Variants in SGCZ observed in about 807,000 individuals in gnomAD.
The protein encoded by SGCZ is sarcoglycan zeta, also known as zeta-sarcoglycan.
A neutral mutation model predicts 41.3 loss-of-function variants in SGCZ; 40 were observed. The ratio of observed to expected loss-of-function variants is 0.97; its 90% CI spans 0.75 to 1.26. The LOEUF is 1.26. Among genes scored for constraint, SGCZ ranks in the 50% most tolerant of loss-of-function variants. The pLI is 0.00. For missense variants in SGCZ, 552 were observed against 369.8 expected (o/e 1.49, Z -4.04); for synonymous variants, 206 against 137.5 (o/e 1.50, Z -3.49).
chr8:14,575,644 C>T (rs141735520), intron 1 of SGCZ, among the ~76,000 whole-genome samples: 8 of 152,156 alleles, frequency 5.3e-5, no homozygotes, highest in East Asian at 3.9e-4. Context: ...CAGTGGTGTA[C>T]GCCTGTAATC....
At chr8:14,787,099 T>A (rs938489114) in intron 1 of SGCZ, among the ~76,000 whole-genome samples, 3 of 152,138 alleles carry the variant, frequency 2.0e-5, no homozygotes, top group Non-Finnish European at 1.5e-5. Flanking sequence ...ACAGCTCACC[T>A]AATTTTATGT....
chr8:14,578,006 T>TAC (rs1004698174), intron 1 of SGCZ, among the ~76,000 whole-genome samples: 2 of 152,160 alleles, frequency 1.3e-5, no homozygotes, highest in African/African-American at 4.8e-5. Flanking sequence ...AACTGTACAC[T>TAC]ACATCAAAGG....
intron 4 of SGCZ, among the ~76,000 whole-genome samples, chr8:14,230,188 G>A (rs541419433): frequency 2.6e-5 from 4 of 152,032 alleles, no homozygotes; most frequent in African/African-American, 9.7e-5. Context: ...AAGGTAAAAA[G>A]TAGTTTTTCA....
intron 1 of SGCZ, among the ~76,000 whole-genome samples, chr8:15,217,950 G>A (rs1801469159): frequency 6.6e-6 from 1 of 152,112 alleles, no homozygotes. Flanking sequence ...GCCAAACGGG[G>A]TGGCGTGTGC....
chr8:14,477,324 T>A (rs867688819), intron 2 of SGCZ, among the ~76,000 whole-genome samples: 1 of 152,298 alleles, frequency 6.6e-6, no homozygotes, highest in Middle Eastern at 3.4e-3. Context: ...TTTGAGATAC[T>A]TACTTTGGTT....
intron 2 of SGCZ, among the ~76,000 whole-genome samples, chr8:14,516,565 C>T (rs1423090351): frequency 6.6e-6 from 1 of 151,948 alleles, no homozygotes; most frequent in Admixed American, 6.6e-5. Context: ...TGTTTCTTTT[C>T]ACAAACACCT....
At chr8:14,577,370 G>GA (rs1265855077) in intron 1 of SGCZ, among the ~76,000 whole-genome samples, 1 of 137,464 alleles carries the variant, frequency 7.3e-6, no homozygotes, top group East Asian at 2.2e-4. Flanking sequence ...AAATAAGAAA[G>GA]AAAAGAAATA....
At chr8:14,386,359 A>G (rs1311553990) in intron 2 of SGCZ, among the ~76,000 whole-genome samples, 1 of 152,176 alleles carries the variant, frequency 6.6e-6, no homozygotes, top group Non-Finnish European at 1.5e-5. Flanking sequence ...AAATACACAT[A>G]AAACTGGTTG....
At chr8:14,890,500 G>T (rs1479459801) in intron 1 of SGCZ, among the ~76,000 whole-genome samples, 1 of 152,178 alleles carries the variant, frequency 6.6e-6, no homozygotes, top group Non-Finnish European at 1.5e-5. Context: ...TGAAGACTGA[G>T]AGAGGTGAGG....
At chr8:14,970,272 T>C (rs1183847314) in intron 1 of SGCZ, among the ~76,000 whole-genome samples, 1 of 152,178 alleles carries the variant, frequency 6.6e-6, no homozygotes, top group Non-Finnish European at 1.5e-5. Flanking sequence ...TGAATTTACA[T>C]ATAATTTGCA....
intron 4 of SGCZ, among the ~76,000 whole-genome samples, chr8:14,204,714 TC>T (rs768256321): frequency 1.3e-5 from 2 of 151,990 alleles, no homozygotes; most frequent in Non-Finnish European, 2.9e-5. Context: ...GAAAACCAGA[TC>T]CTTTATTTTT....
intron 1 of SGCZ, among the ~76,000 whole-genome samples, chr8:15,094,301 A>C (rs1806256980): frequency 6.6e-6 from 1 of 151,994 alleles, no homozygotes; most frequent in Admixed American, 6.6e-5. Flanking sequence ...TGCCTAGCTA[A>C]TTTTTGTATC....
At chr8:14,181,150 A>C (rs1804712441) in intron 4 of SGCZ, among the ~76,000 whole-genome samples, 1 of 152,168 alleles carries the variant, frequency 6.6e-6, no homozygotes, top group African/African-American at 2.4e-5. Context: ...CCCAATGGTA[A>C]TAATGTTACA....
intron 1 of SGCZ, among the ~76,000 whole-genome samples, chr8:14,695,720 CA>C (rs1383430035): frequency 6.6e-6 from 1 of 150,982 alleles, no homozygotes; most frequent in Non-Finnish European, 1.5e-5. Context: ...CACAAACCAA[CA>C]ATATACAGTT....
chr8:14,101,252 G>C (rs551902068), intron 7 of SGCZ, among the ~76,000 whole-genome samples: 2 of 152,228 alleles, frequency 1.3e-5, no homozygotes, highest in African/African-American at 4.8e-5. Flanking sequence ...TAAGTCAGTG[G>C]CATGAGGCAC....
intron 1 of SGCZ, among the ~76,000 whole-genome samples, chr8:14,938,887 G>A (rs534751601): frequency 4.0e-5 from 6 of 151,436 alleles, no homozygotes; most frequent in African/African-American, 7.3e-5. Flanking sequence ...TTTTGTATCC[G>A]CAGTTGGTTG....
At chr8:14,297,130 C>G (rs755173645) in intron 3 of SGCZ, among the ~76,000 whole-genome samples, 4 of 152,050 alleles carry the variant, frequency 2.6e-5, no homozygotes, top group Admixed American at 6.6e-5. Flanking sequence ...GCCATGTTAG[C>G]TAGGCTGGTC....
intron 1 of SGCZ, among the ~76,000 whole-genome samples, chr8:14,607,231 T>A (rs1375620578): frequency 1.3e-5 from 2 of 152,138 alleles, no homozygotes; most frequent in African/African-American, 4.8e-5. Flanking sequence ...TAAAATGTAG[T>A]CTTTTGTTTC....
chr8:14,780,567 A>T (rs1800558362), intron 1 of SGCZ, among the ~76,000 whole-genome samples: 2 of 152,216 alleles, frequency 1.3e-5, no homozygotes, highest in South Asian at 4.1e-4. Flanking sequence ...GGAAGGAATG[A>T]AAAAAATACT....
Sources: allele counts gnomAD v4.1 joint callset (sites outside exome capture counted in the v4.1 genomes callset), GRCh38; gene constraint gnomAD v4.1.1; transcripts MANE v1.5; gene names NCBI Gene and HGNC (gene_info 2026-07-23, HGNC 2026-07-21).